Variants in CACNA2D3 observed in about 807,000 individuals in gnomAD.
The protein encoded by CACNA2D3 is voltage-dependent calcium channel subunit alpha-2/delta-3.
Under a neutral mutation model 160.6 loss-of-function variants are expected in CACNA2D3, and 60 were observed. That is an observed-to-expected ratio of 0.37 (90% CI 0.30 to 0.46). The LOEUF is 0.46. CACNA2D3 is among the 20% of genes least tolerant of loss of function. The probability of loss-of-function intolerance (pLI) is 1.00; values close to 1 mark genes in which losing one functional copy is unlikely to be tolerated. For synonymous variants in CACNA2D3, 558 were observed against 492.9 expected (o/e 1.13, Z -1.75); for missense variants, 1,205 against 1,365.0 (o/e 0.88, Z 1.85).
intron 27 of CACNA2D3, among the ~76,000 whole-genome samples, chr3:54,951,345 C>A (rs1309251177): frequency 6.6e-6 from 1 of 152,194 alleles, no homozygotes; most frequent in African/African-American, 2.4e-5. Flanking sequence ...TTTCACAGCA[C>A]TATAGTAATG....
intron 2 of CACNA2D3, among the ~76,000 whole-genome samples, chr3:54,266,972 G>C (rs150786991): frequency 6.6e-6 from 1 of 152,140 alleles, no homozygotes; most frequent in Non-Finnish European, 1.5e-5. Context: ...TGTGCCTTGA[G>C]CATGGAGCTT....
intron 13 of CACNA2D3, among the ~76,000 whole-genome samples, chr3:54,808,862 A>C (rs962817530): frequency 3.9e-5 from 6 of 152,062 alleles, no homozygotes; most frequent in Non-Finnish European, 2.9e-5. Context: ...GTGGACCATG[A>C]GGTTGGTGAT....
intron 5 of CACNA2D3, among the ~76,000 whole-genome samples, chr3:54,532,657 T>A (rs1429052015): frequency 6.6e-6 from 1 of 152,222 alleles, no homozygotes; most frequent in Non-Finnish European, 1.5e-5. Flanking sequence ...GTGAGTAATA[T>A]TCCATGGTAT....
chr3:54,762,168 A>G (rs909303975), intron 12 of CACNA2D3, among the ~76,000 whole-genome samples: 14 of 152,222 alleles, frequency 9.2e-5, no homozygotes, highest in African/African-American at 2.9e-4. Context: ...ACTCTTTCCC[A>G]AGTTCTGTGT....
intron 3 of CACNA2D3, among the ~76,000 whole-genome samples, chr3:54,376,024 C>T (rs1699006370): frequency 6.6e-6 from 1 of 152,144 alleles, no homozygotes; most frequent in Admixed American, 6.5e-5. Context: ...TAATTTTTTT[C>T]AGCACTGCCA....
intron 2 of CACNA2D3, among the ~76,000 whole-genome samples, chr3:54,242,276 AAAC>A (rs1252456540): frequency 2.7e-5 from 4 of 149,622 alleles, no homozygotes; most frequent in Non-Finnish European, 4.5e-5. Context: ...CAAAAAACAA[AAAC>A]AAACAAACAA....
intron 2 of CACNA2D3, among the ~76,000 whole-genome samples, chr3:54,176,816 C>G (rs1296707548): frequency 4.6e-5 from 7 of 152,210 alleles, no homozygotes; most frequent in African/African-American, 7.2e-5. Flanking sequence ...TAACCTGCCC[C>G]CAGGAAGTGT....
chr3:54,579,363 A>T (rs958516508), intron 8 of CACNA2D3, among the ~76,000 whole-genome samples: 1 of 152,170 alleles, frequency 6.6e-6, no homozygotes, highest in Admixed American at 6.5e-5. Flanking sequence ...TGGGCTTTGC[A>T]TTCCGTTCTT....
In CACNA2D3 at chr3:54,399,875, A is replaced by T. The variant is rs1274245422; in HGVS notation, c.381+13101A>T. On this transcript the variant is annotated intron_variant, in intron 4 of 37. Coordinates refer to ENST00000474759, the MANE Select transcript of CACNA2D3 (RefSeq NM_018398.3). The stretch of plus-strand genomic sequence containing the variant: ...TTCGAGCTTCCCAGCAAGCCTGGGC[A>T]ATGGCGGGCGCCCCTCCCCCAGCCT... Among the ~76,000 whole-genome samples the T allele has an allele frequency of 2.4e-5, 3 of 125,534 alleles. No homozygotes were observed. The East Asian group carries it at 7.1e-4, about 30-fold the overall frequency. 82.4% of individuals were successfully genotyped at this position (125,534 alleles called of 152,430 possible).
rs144214628 is a variant in CACNA2D3, at chr3:54,924,903, T to C, written c.2449+25035T>C. 26 of 1,613,488 alleles carry C rather than the reference T, an allele frequency of 1.6e-5. No homozygotes were observed. The African/African-American group carries it at 3.3e-4, about 21-fold the overall frequency. ...GCTTTCCAGGGAAAGGAGTGAATTC[T>C]GGGTTAGATTTAAAACCTGCAAGTG... On this transcript the variant is annotated intron_variant, in intron 27 of 37. Transcript: ENST00000474759.
At chr3:54,757,075 G>A (rs1340292953) in intron 12 of CACNA2D3, among the ~76,000 whole-genome samples, 1 of 152,152 alleles carries the variant, frequency 6.6e-6, no homozygotes, top group African/African-American at 2.4e-5. Context: ...AAACAGAAAA[G>A]AGGGCCGACT....
chr3:54,186,047 A>G (rs1700874082), intron 2 of CACNA2D3, among the ~76,000 whole-genome samples: 1 of 152,126 alleles, frequency 6.6e-6, no homozygotes. Context: ...CTGTGCTGCC[A>G]TCACTCCTTT....
chr3:54,136,029 A>C (rs1383504252), intron 2 of CACNA2D3, among the ~76,000 whole-genome samples: 5 of 152,164 alleles, frequency 3.3e-5, no homozygotes, highest in Admixed American at 1.3e-4. Context: ...TCCCTGTCCC[A>C]TGCCTTTCAA....
At chr3:54,608,359 C>T (rs1260054713) in intron 9 of CACNA2D3, among the ~76,000 whole-genome samples, 1 of 152,202 alleles carries the variant, frequency 6.6e-6, no homozygotes, top group Non-Finnish European at 1.5e-5. Flanking sequence ...AAACATTCCC[C>T]TAATAGCAGC....
At chr3:54,373,549 G>A (rs527244833) in intron 3 of CACNA2D3, among the ~76,000 whole-genome samples, 3 of 152,314 alleles carry the variant, frequency 2.0e-5, no homozygotes, top group Admixed American at 2.0e-4. Context: ...TAAGGATACA[G>A]TAGAAAGAAA....
chr3:54,426,128 G>A (rs764588102), intron 4 of CACNA2D3, among the ~76,000 whole-genome samples: 11 of 152,154 alleles, frequency 7.2e-5, no homozygotes, highest in Non-Finnish European at 1.0e-4. Context: ...CTTACATAGT[G>A]GTCAAGAGAA....
intron 11 of CACNA2D3, among the ~76,000 whole-genome samples, chr3:54,697,647 A>G (rs1163473805): frequency 6.6e-6 from 1 of 152,040 alleles, no homozygotes; most frequent in Non-Finnish European, 1.5e-5. Flanking sequence ...GAATGGAGCC[A>G]TGTGCACACT....
Position 54,192,671 on chromosome 3 carries a change from GGTGTGTGTGT to G in CACNA2D3, c.204+69092_204+69101del, listed in dbSNP as rs147191768. ...CCCTACATGCTTTTCCCATATGTGAGGTGTGTGTGTGTGTGTGTGTGTGTTTGTGTATTCA... is the reference window on the plus strand; with the variant it reads ...CCCTACATGCTTTTCCCATATGTGAGGTGTGTGTGTGTGTTTGTGTATTCA... On this transcript the variant is annotated intron_variant, in intron 2 of 37. Transcript: ENST00000474759. 1.4e-3 allele frequency among the ~76,000 whole-genome samples: 214 copies of G among 149,692 alleles called. 2 individuals are homozygous for G. The highest frequency in any genetic ancestry group is 5.1e-3 in the African/African-American group (208 of 40,730).
At chr3:55,049,757 T>C (rs1353354127) in intron 35 of CACNA2D3, among the ~76,000 whole-genome samples, 1 of 149,704 alleles carries the variant, frequency 6.7e-6, no homozygotes, top group East Asian at 1.9e-4. Context: ...TGTAGGTCAC[T>C]GAGGACTTGC....
Sources: allele counts gnomAD v4.1 joint callset (sites outside exome capture counted in the v4.1 genomes callset), GRCh38; gene constraint gnomAD v4.1.1; transcripts MANE v1.5; gene names NCBI Gene and HGNC (gene_info 2026-07-23, HGNC 2026-07-21).